The following PCNT variants were observed in gnomAD, a reference collection of about 807,000 sequenced individuals.
The protein encoded by PCNT is pericentrin.
A neutral mutation model predicts 380.4 loss-of-function variants in PCNT; 319 were observed. The ratio of observed to expected loss-of-function variants is 0.84; its 90% CI spans 0.77 to 0.92. The LOEUF (loss-of-function observed/expected upper bound fraction) is 0.92. PCNT is among the 40% of genes least tolerant of loss of function. The probability of loss-of-function intolerance (pLI) is 0.00; values close to 1 mark genes in which losing one functional copy is unlikely to be tolerated. For missense variants in PCNT, 4,400 were observed against 4,255.3 expected (o/e 1.03, Z -0.95); for synonymous variants, 1,845 against 1,735.2 (o/e 1.06, Z -1.57).
chr21:46,355,599 C>T lies in PCNT; in HGVS notation c.1909C>T (p.Leu637=). The change falls in exon 12 of 47, where the codon CTG becomes TTG. Residue 637 remains leucine (L), a synonymous_variant. Transcript: ENST00000359568. ...TTCAGCATTGGGACACGAGTGGCGT[C>T]TGGAACCCTCTGAAGGGCACAGCCA... ...ETSALGHEWR[L]EPSEGHSQEL... 1 of 1,613,996 alleles carries T rather than the reference C, an allele frequency of 6.2e-7. No homozygotes were observed.
intron 17 of PCNT, among the ~76,000 whole-genome samples, chr21:46,387,576 T>C (rs2085882350): frequency 6.6e-6 from 1 of 152,062 alleles, no homozygotes; most frequent in Non-Finnish European, 1.5e-5. Flanking sequence ...TTGGGCATTT[T>C]GGGGGGTGGA....
chr21:46,355,439 G>T lies in PCNT; in HGVS notation c.1762-13G>T. On this transcript the variant is annotated splice_polypyrimidine_tract_variant and intron_variant, in intron 11 of 46. Transcript: ENST00000359568. ...GCTCACTAACGTGCTTGTCCCACGT[G>T]GTTTCTCTGTAGGAGAGCCTGCCAC... is the stretch of plus-strand genomic sequence containing the variant. 1 of 1,613,238 alleles carries T rather than the reference G, an allele frequency of 6.2e-7. No individual in the cohort carries two copies.
chr21:46,414,180 C>CG (rs1443250511), intron 29 of PCNT, among the ~76,000 whole-genome samples: 2 of 151,994 alleles, frequency 1.3e-5, no homozygotes, highest in Non-Finnish European at 2.9e-5. Flanking sequence ...TTAGTAGAGA[C>CG]GGGGTTTCAC....
intron 2 of PCNT, among the ~76,000 whole-genome samples, chr21:46,331,163 T>C (rs2083547664): frequency 6.6e-6 from 1 of 152,158 alleles, no homozygotes; most frequent in African/African-American, 2.4e-5. Context: ...CATAAGTCTT[T>C]TTTCTTTTTT....
rs766468651 is a variant in PCNT at position 46,355,521 on chromosome 21, C to T, written c.1831C>T (p.Pro611Ser). 6.2e-7 allele frequency: 1 copy of T among 1,614,070 alleles called. No individual in the cohort carries two copies. Among genetic ancestry groups the T allele is most frequent in the East Asian group, 2.2e-5 (1 of 44,874 alleles). ...HRHQLEALES[P>S]LCIQHEGHVS... is the part of the protein sequence containing the mutation. ...GCACCAGCTGGAAGCGCTGGAGTCTCCCCTCTGCATCCAGCACGAGGGGCA... is the reference window on the plus strand; with the variant it reads ...GCACCAGCTGGAAGCGCTGGAGTCTTCCCTCTGCATCCAGCACGAGGGGCA... The change falls in exon 12 of 47, where the codon CCC becomes TCC. Residue 611 changes from proline (P) to serine (S), a missense_variant. Physicochemically the swap from Pro to Ser is moderately conservative, Grantham distance 74 (BLOSUM62 -1). Coordinates refer to ENST00000359568, the MANE Select transcript of PCNT (RefSeq NM_006031.6).
chr21:46,393,082 G>A (rs148342136), intron 21 of PCNT, among the ~76,000 whole-genome samples: 1,786 of 152,276 alleles, frequency 0.012, 15 homozygotes, highest in South Asian at 0.021. Flanking sequence ...AGTCCTCACT[G>A]CGGTGTTGCC....
At chr21:46,357,295 C>A (rs1034267529) in intron 13 of PCNT, 104 bp downstream of exon 13, 15 of 844,548 alleles carry the variant, frequency 1.8e-5, no homozygotes, top group East Asian at 4.8e-5. Context: ...TGGGGACAGC[C>A]CAGTGCTGTA....
chr21:46,440,067 C>T lies in PCNT; in HGVS notation c.9274-16C>T. ...CGAGCAGCTCTGTAGACAGCGCTGG[C>T]TGTGCTTCCTTACAGAGGTCGGAAA... On this transcript the variant is annotated splice_polypyrimidine_tract_variant and intron_variant, in intron 41 of 46. Coordinates refer to ENST00000359568, the MANE Select transcript of PCNT (RefSeq NM_006031.6). 6.2e-7 allele frequency: 1 copy of T among 1,613,884 alleles called. No homozygotes were observed. The highest frequency in any genetic ancestry group is 1.1e-5 in the South Asian group (1 of 91,074).
Position 46,397,347 on chromosome 21 carries a change from C to T in PCNT, c.4299C>T (p.Leu1433=), listed in dbSNP as rs991339019. 6.2e-7 allele frequency: 1 copy of T among 1,614,126 alleles called. No individual in the cohort carries two copies. The highest frequency in any genetic ancestry group is 8.5e-7 in the Non-Finnish European group (1 of 1,180,020). Residue 1433 remains leucine, a synonymous_variant, in exon 22 of 47, where the codon CTC becomes CTT. Coordinates refer to ENST00000359568, the MANE Select transcript of PCNT (RefSeq NM_006031.6). ...KQAEKDRSAL[L]SQMKILESEL... Reference sequence around the variant, plus strand: ...CTGAGAAGGACCGCTCAGCCCTGCTCTCCCAGATGAAGATTTTGGAGTCTG... The same window carrying T: ...CTGAGAAGGACCGCTCAGCCCTGCTTTCCCAGATGAAGATTTTGGAGTCTG...
At chr21:46,444,357 G>C (rs1277443141) in intron 45 of PCNT, among the ~76,000 whole-genome samples, 1 of 152,152 alleles carries the variant, frequency 6.6e-6, no homozygotes, top group Non-Finnish European at 1.5e-5. Flanking sequence ...GGACTGAGTG[G>C]GGCAGGTATC....
intron 15 of PCNT, among the ~76,000 whole-genome samples, chr21:46,375,062 G>A (rs1030281846): frequency 8.5e-5 from 13 of 152,124 alleles, no homozygotes; most frequent in African/African-American, 2.7e-4. Context: ...ATTACTTTCC[G>A]GGATACCGCC....
intron 15 of PCNT, among the ~76,000 whole-genome samples, chr21:46,372,589 G>C (rs2085188990): frequency 1.3e-5 from 2 of 152,144 alleles, no homozygotes; most frequent in African/African-American, 4.8e-5. Flanking sequence ...CAAATTTTAG[G>C]TGATTATGGT....
rs1384154021 is a variant in PCNT, at chr21:46,428,400, C to A, written c.7500C>A (p.Asp2500Glu). ...RLEKIIREQG[D>E]LQEKSLEHLR... ...TTGTCCCATTGTGCCCCCAGGGAGA[C>A]CTGCAGGAAAAGTCCCTGGAGCATC... Residue 2500 changes from aspartate to glutamate, a missense_variant, in exon 35 of 47, where the codon GAC (aspartate) becomes GAA (glutamate). Transcript: ENST00000359568. 1 of 1,612,246 alleles carries A rather than the reference C, an allele frequency of 6.2e-7. No individual in the cohort carries two copies. The highest frequency in any genetic ancestry group is 1.7e-5 in the Admixed American group (1 of 59,960).
rs2083674282 is a variant in PCNT, at chr21:46,334,626, CA to C, written c.498del (p.Glu167AsnfsTer86). 6.2e-7 allele frequency: 1 copy of C among 1,607,288 alleles called. No individual in the cohort carries two copies. The highest frequency in any genetic ancestry group is 8.5e-7 in the Non-Finnish European group (1 of 1,175,568). ...HGMFTVSDHPPEQRGMFTISD... is the reference protein window; with the variant it reads ...HGMFTVSDHPXEQRGMFTISD... Reference sequence around the variant, plus strand: ...ATGTTCACAGTCAGTGACCACCCACCAGAACAGCGTGGGATGTTCACAATCA... The same window carrying C: ...ATGTTCACAGTCAGTGACCACCCACCGAACAGCGTGGGATGTTCACAATCA... On this transcript the variant is annotated frameshift_variant, in exon 3 of 47. Transcript: ENST00000359568. LOFTEE classifies it high-confidence loss of function.
chr21:46,403,682 G>A (rs1482960963), intron 27 of PCNT, among the ~76,000 whole-genome samples: 1 of 147,224 alleles, frequency 6.8e-6, no homozygotes, highest in African/African-American at 2.6e-5. Context: ...TCGTGTGTGT[G>A]TGGTGCCCAC....
intron 17 of PCNT, among the ~76,000 whole-genome samples, chr21:46,386,921 G>C (rs1483526677): frequency 6.6e-6 from 1 of 152,068 alleles, no homozygotes; most frequent in African/African-American, 2.4e-5. Flanking sequence ...CCCGCCCGAG[G>C]CCTCTGTGTC....
At chr21:46,409,189 A>ATTT (rs2086707605) in intron 27 of PCNT, among the ~76,000 whole-genome samples, 1 of 93,434 alleles carries the variant, frequency 1.1e-5, no homozygotes, top group African/African-American at 3.5e-5. Flanking sequence ...AAAACTTTTT[A>ATTT]CTTTTTTTTT....
At chr21:46,369,716 T>C (rs73146739) in intron 15 of PCNT, among the ~76,000 whole-genome samples, 8,052 of 152,312 alleles carry the variant, frequency 0.053, 329 homozygotes, top group Non-Finnish European at 0.086. Context: ...CGTGTGCACC[T>C]TCTGTGCCCT....
At chr21:46,345,124 C>G (rs893294768) in intron 3 of PCNT, among the ~76,000 whole-genome samples, 1 of 152,170 alleles carries the variant, frequency 6.6e-6, no homozygotes, top group Non-Finnish European at 1.5e-5. Flanking sequence ...GCGTCATTTC[C>G]GCCTTTTTCC....
Sources: gnomAD v4.1 joint callset for allele counts (sites outside exome capture counted in the v4.1 genomes callset) on GRCh38, gnomAD v4.1.1 for gene constraint, MANE v1.5 for transcripts, NCBI Gene and HGNC (gene_info 2026-07-23, HGNC 2026-07-21) for gene names.